PDZRN4: variants seen among roughly 807,000 people sequenced by gnomAD.
PDZRN4 encodes PDZ domain containing ring finger 4.
A neutral mutation model predicts 99.0 loss-of-function variants in PDZRN4; 70 were observed. The ratio of observed to expected loss-of-function variants is 0.71; its 90% CI spans 0.58 to 0.86. The LOEUF (loss-of-function observed/expected upper bound fraction) is 0.86. PDZRN4 is among the 40% of genes least tolerant of loss of function. The pLI is 0.00. For missense variants in PDZRN4, 1,474 were observed against 1,331.2 expected, an observed-to-expected ratio of 1.11 and a Z score of -1.67; for synonymous variants, 551 against 501.6, an observed-to-expected ratio of 1.10 and a Z score of -1.32.
Position 41,573,373 on chromosome 12 carries a change from A to G in PDZRN4, c.2594A>G (p.Tyr865Cys), listed in dbSNP as rs759016632. 4 of 1,613,358 alleles carry G rather than the reference A, an allele frequency of 2.5e-6. No homozygotes were observed. In the East Asian group the frequency reaches 6.7e-5, roughly 27 times the overall value. The change falls in exon 10 of 10, where the codon TAT becomes TGT. Residue 865 changes from tyrosine (Y) to cysteine (C), a missense_variant. Physicochemically the swap from Tyr to Cys is radical, Grantham distance 194. Coordinates refer to ENST00000402685, the MANE Select transcript of PDZRN4 (RefSeq NM_001164595.2). ...QLIQQKSAVE[Y>C]AQSQLSLVSM... is the part of the protein sequence containing the mutation. The stretch of plus-strand genomic sequence containing the variant: ...ATTCAACAGAAATCTGCAGTCGAGT[A>G]TGCTCAGAGTCAGCTCAGCTTGGTG...
At chr12:41,212,852 T>G (rs1298546569) in intron 3 of PDZRN4, among the ~76,000 whole-genome samples, 1 of 152,032 alleles carries the variant, frequency 6.6e-6, no homozygotes, top group Non-Finnish European at 1.5e-5. Flanking sequence ...AGGACAAAGC[T>G]TTTTAAAGAG....
At chr12:41,346,351 A>C (rs1951854893) in intron 3 of PDZRN4, among the ~76,000 whole-genome samples, 1 of 152,106 alleles carries the variant, frequency 6.6e-6, no homozygotes, top group African/African-American at 2.4e-5. Context: ...AGTCTCAGCT[A>C]TTCGGGAGGC....
At position 41,214,252 on chromosome 12, in the gene PDZRN4, TAA is replaced by T. The variant is rs60618442; in HGVS notation, c.843+20089_843+20090del. ...GAGCAACATAGTGAGACCCTGTATT[TAA>T]AAAAAAAAAAAAAAAAAAAAAAAAG... On this transcript the variant is annotated intron_variant, in intron 3 of 9. Transcript: ENST00000402685. 6.9e-3 allele frequency among the ~76,000 whole-genome samples: 581 copies of T among 84,764 alleles called. 15 individuals carry two copies. The highest frequency in any genetic ancestry group is 0.065 in the East Asian group (195 of 2,986). The allele number at this position is 84,764 out of a possible 152,430, so 55.6% of individuals were successfully genotyped here.
chr12:41,258,662 T>C (rs1454424270), intron 3 of PDZRN4, among the ~76,000 whole-genome samples: 1 of 152,174 alleles, frequency 6.6e-6, no homozygotes, highest in African/African-American at 2.4e-5. Flanking sequence ...ATTTATTGAG[T>C]GCATACTATT....
At chr12:41,320,833 T>A (rs142778004) in intron 3 of PDZRN4, among the ~76,000 whole-genome samples, 2 of 152,292 alleles carry the variant, frequency 1.3e-5, no homozygotes, top group East Asian at 1.9e-4. Flanking sequence ...ATAAATAATC[T>A]TATAACTATA....
intron 5 of PDZRN4, among the ~76,000 whole-genome samples, chr12:41,513,797 A>C (rs1369529826): frequency 2.0e-5 from 3 of 152,086 alleles, no homozygotes; most frequent in Non-Finnish European, 4.4e-5. Context: ...ATATGTTTGC[A>C]ACTGCCTGAG....
At chr12:41,285,840 G>C (rs1951418772) in intron 3 of PDZRN4, among the ~76,000 whole-genome samples, 1 of 151,936 alleles carries the variant, frequency 6.6e-6, no homozygotes, top group Non-Finnish European at 1.5e-5. Context: ...ATCACACAGT[G>C]GGGCCTGTCA....
intron 3 of PDZRN4, among the ~76,000 whole-genome samples, chr12:41,366,714 TA>T (rs1367220324): frequency 2.0e-5 from 3 of 152,114 alleles, no homozygotes; most frequent in Non-Finnish European, 4.4e-5. Flanking sequence ...AAATTCTACA[TA>T]AGGCAATAGA....
chr12:41,294,556 T>C (rs1235770689), intron 3 of PDZRN4, among the ~76,000 whole-genome samples: 1 of 152,162 alleles, frequency 6.6e-6, no homozygotes, highest in Non-Finnish European at 1.5e-5. Context: ...CATTTAAAAT[T>C]ATTTTACTTA....
At chr12:41,254,868 T>G (rs1282630555) in intron 3 of PDZRN4, among the ~76,000 whole-genome samples, 2 of 152,082 alleles carry the variant, frequency 1.3e-5, no homozygotes, top group Non-Finnish European at 2.9e-5. Flanking sequence ...GGAGGATCAC[T>G]TAAGGCCAAG....
At chr12:41,495,061 A>G (rs1438378324) in intron 3 of PDZRN4, among the ~76,000 whole-genome samples, 1 of 152,090 alleles carries the variant, frequency 6.6e-6, no homozygotes, top group Non-Finnish European at 1.5e-5. Flanking sequence ...ATACCTTTCT[A>G]AGTTTATATC....
At chr12:41,401,402 C>G (rs1216600792) in intron 3 of PDZRN4, among the ~76,000 whole-genome samples, 3 of 152,112 alleles carry the variant, frequency 2.0e-5, no homozygotes, top group African/African-American at 7.2e-5. Flanking sequence ...TTTAAAGTTG[C>G]ACTTACATTG....
intron 3 of PDZRN4, among the ~76,000 whole-genome samples, chr12:41,402,154 A>ATACATATGTATATACACACACTGAG (rs1952295938): frequency 2.5e-5 from 2 of 78,450 alleles, no homozygotes; most frequent in African/African-American, 1.1e-4. Context: ...CACACTGAGT[A>ATACATATGTATATACACACACTGAG]TATATATATA....
intron 3 of PDZRN4, among the ~76,000 whole-genome samples, chr12:41,288,328 A>G (rs76085245): frequency 0.015 from 2,351 of 152,290 alleles, 23 homozygotes; most frequent in Middle Eastern, 0.034. Flanking sequence ...AAAGAATAGT[A>G]TGCCATACGG....
intron 3 of PDZRN4, among the ~76,000 whole-genome samples, chr12:41,469,187 G>C (rs1952961800): frequency 6.6e-6 from 1 of 152,082 alleles, no homozygotes; most frequent in Non-Finnish European, 1.5e-5. Context: ...TTTTTTCTAA[G>C]TTTGTAAGTG....
intron 3 of PDZRN4, among the ~76,000 whole-genome samples, chr12:41,266,811 T>A (rs1466907090): frequency 6.6e-6 from 1 of 152,216 alleles, no homozygotes; most frequent in Non-Finnish European, 1.5e-5. Flanking sequence ...ATTCAATTAT[T>A]TTATAATTGA....
chr12:41,281,935 C>T (rs932408232), intron 3 of PDZRN4, among the ~76,000 whole-genome samples: 2 of 152,150 alleles, frequency 1.3e-5, no homozygotes, highest in Non-Finnish European at 2.9e-5. Flanking sequence ...AATGTAAAGA[C>T]CATTGACAGT....
chr12:41,490,421 G>T (rs1481743332), intron 3 of PDZRN4, among the ~76,000 whole-genome samples: 1 of 152,060 alleles, frequency 6.6e-6, no homozygotes, highest in Non-Finnish European at 1.5e-5. Context: ...TTCTCAGCGT[G>T]TCTAAATGGG....
At chr12:41,473,466 G>C (rs1402137707) in intron 3 of PDZRN4, 1 of 152,120 alleles carries the variant, frequency 6.6e-6, no homozygotes, top group East Asian at 1.9e-4. Context: ...GAAGTTCAAG[G>C]GCAGGAATAA....
Sources: gnomAD v4.1 joint callset for allele counts (sites outside exome capture counted in the v4.1 genomes callset) on GRCh38, gnomAD v4.1.1 for gene constraint, MANE v1.5 for transcripts, NCBI Gene and HGNC (gene_info 2026-07-23, HGNC 2026-07-21) for gene names.